The following AHI1 variants were observed in gnomAD, a reference collection of about 807,000 sequenced individuals.
AHI1 encodes the protein Abelson helper integration site 1, also known as jouberin.
AHI1 carries 123 observed loss-of-function variants against 149.3 expected under a neutral mutation model. The ratio of observed to expected loss-of-function variants is 0.82; its 90% CI spans 0.71 to 0.96. The LOEUF is 0.96. Among genes scored for constraint, AHI1 ranks in the 40% least tolerant of loss-of-function variants. AHI1 has a pLI of 0.00. For missense variants in AHI1, 1,439 were observed against 1,422.7 expected (o/e 1.01, Z -0.18); for synonymous variants, 475 against 459.8 (o/e 1.03, Z -0.42).
intron 11 of AHI1, among the ~76,000 whole-genome samples, chr6:135,451,264 G>A (rs1274853104): frequency 6.6e-6 from 1 of 152,116 alleles, no homozygotes. Flanking sequence ...CCAGCGTGCT[G>A]GGATTACAGG....
chr6:135,475,877 G>A (rs904587143), intron 5 of AHI1, among the ~76,000 whole-genome samples: 6 of 152,044 alleles, frequency 3.9e-5, no homozygotes, highest in Non-Finnish European at 8.8e-5. Context: ...ATCAAGCCCG[G>A]GGGTGGCCAT....
intron 14 of AHI1, 126 bp from the exon 15 acceptor site, chr6:135,438,624 G>T: frequency 1.4e-6 from 1 of 721,222 alleles, no homozygotes; most frequent in Non-Finnish European, 1.9e-6. Context: ...AAAGACATTT[G>T]CAGCACAGAG....
At chr6:135,326,184 G>A (rs1787653064) in intron 24 of AHI1, among the ~76,000 whole-genome samples, 1 of 152,124 alleles carries the variant, frequency 6.6e-6, no homozygotes, top group African/African-American at 2.4e-5. Flanking sequence ...ATAGGTTGAA[G>A]TCCTAGCTCC....
intron 27 of AHI1, among the ~76,000 whole-genome samples, chr6:135,297,090 G>A (rs1211984829): frequency 1.3e-5 from 2 of 152,156 alleles, no homozygotes; most frequent in Non-Finnish European, 2.9e-5. Flanking sequence ...CCTCTTTATG[G>A]CAGTAGCATC....
intron 23 of AHI1, among the ~76,000 whole-genome samples, chr6:135,372,034 A>C (rs994994104): frequency 2.6e-5 from 4 of 152,214 alleles, no homozygotes; most frequent in African/African-American, 9.7e-5. Context: ...AATAACCCTA[A>C]AAAGGGTCTA....
At chr6:135,432,032 T>C (rs192544073) in intron 16 of AHI1, among the ~76,000 whole-genome samples, 2 of 151,170 alleles carry the variant, frequency 1.3e-5, no homozygotes, top group African/African-American at 4.9e-5. Flanking sequence ...TTGGATATCG[T>C]ATGGCCAAAT....
chr6:135,398,723 G>A (rs1236533175), intron 22 of AHI1, among the ~76,000 whole-genome samples: 2 of 152,114 alleles, frequency 1.3e-5, no homozygotes, highest in Admixed American at 1.3e-4. Context: ...TTGCTTCACA[G>A]AGAAAATTTG....
chr6:135,351,182 A>T (rs1792062863), intron 24 of AHI1, among the ~76,000 whole-genome samples: 1 of 152,076 alleles, frequency 6.6e-6, no homozygotes, highest in African/African-American at 2.4e-5. Flanking sequence ...TAAGACACAA[A>T]CAAGCTGTGG....
rs1473309276 is a variant in AHI1 at position 135,411,294 on chromosome 6, T to C, written c.2961+54A>G. ...AAATGAATATTTATTGGCATGGCAA[T>C]GTAAAACAGGATAGAAATAGTTTTA... On this transcript the variant is annotated intron_variant, in intron 21 of 28. Transcript: ENST00000265602. 6 of 1,499,152 alleles carry C rather than the reference T, an allele frequency of 4.0e-6. No homozygotes were observed. In the South Asian group the frequency reaches 5.8e-5, roughly 15 times the overall value. The allele number at this position is 1,499,152 out of a possible 1,614,324, so 92.9% of individuals were successfully genotyped here. A position where few individuals can be genotyped will look rare whatever the true frequency, so the allele number is the denominator to read the frequency against.
chr6:135,477,346 G>A (rs1361207925), intron 5 of AHI1, among the ~76,000 whole-genome samples: 1 of 151,948 alleles, frequency 6.6e-6, no homozygotes, highest in Non-Finnish European at 1.5e-5. Flanking sequence ...GGCCCTCTCT[G>A]CCCTCTTTTC....
chr6:135,490,598 T>C, intron 5 of AHI1, 25 bp downstream of exon 5: 1 of 1,613,178 alleles, frequency 6.2e-7, no homozygotes, highest in South Asian at 1.1e-5. Flanking sequence ...TGTAAATCAC[T>C]ATTACCCAAT....
chr6:135,453,324 A>G lies in AHI1; in HGVS notation c.1440+17T>C. On this transcript the variant is annotated intron_variant, in intron 11 of 28. Coordinates refer to ENST00000265602, the MANE Select transcript of AHI1 (RefSeq NM_001134831.2). ...GAAGACTAGTTTTAAAGTGTTTAAA[A>G]TGGATGAAAAACATACCTTAAGAAA... The G allele has an allele frequency of 6.5e-7, 1 of 1,545,212 alleles. No individual in the cohort carries two copies. Among genetic ancestry groups the G allele is most frequent in the Non-Finnish European group, 8.8e-7 (1 of 1,140,424 alleles).
At chr6:135,400,058 C>G (rs1420576152) in intron 22 of AHI1, among the ~76,000 whole-genome samples, 2 of 152,050 alleles carry the variant, frequency 1.3e-5, no homozygotes, top group Non-Finnish European at 2.9e-5. Context: ...CCACCCTTTG[C>G]CCTCAAGTAG....
Position 135,455,743 on chromosome 6 carries a change from C to A in AHI1, c.1335G>T (p.Leu445=). ...RGSDESPKVI[L]FFEILDFLSV... ...TCCATTCAATTCATACCTCAAAGAA[C>A]AGGATGACTTTAGGACTCTCATCAG... The change falls in exon 10 of 29, where the codon CTG becomes CTT. Residue 445 remains leucine (L), a synonymous_variant. Coordinates refer to ENST00000265602, the MANE Select transcript of AHI1 (RefSeq NM_001134831.2). 6.3e-7 allele frequency: 1 copy of A among 1,589,428 alleles called. No homozygotes were observed. The highest frequency in any genetic ancestry group is 8.6e-7 in the Non-Finnish European group (1 of 1,165,080).
intron 5 of AHI1, among the ~76,000 whole-genome samples, chr6:135,479,327 AG>A (rs1793224453): frequency 6.6e-6 from 1 of 152,226 alleles, no homozygotes. Flanking sequence ...AAGCAGCTGC[AG>A]GGGCTGTACC....
intron 24 of AHI1, among the ~76,000 whole-genome samples, chr6:135,341,106 T>C (rs1790302483): frequency 6.6e-6 from 1 of 152,114 alleles, no homozygotes; most frequent in African/African-American, 2.4e-5. Context: ...GACATCATCC[T>C]ATCTTATCAG....
intron 23 of AHI1, among the ~76,000 whole-genome samples, chr6:135,393,668 T>C (rs963676688): frequency 1.3e-5 from 2 of 152,150 alleles, no homozygotes; most frequent in African/African-American, 4.8e-5. Flanking sequence ...TTAATTATTA[T>C]AGTGACTTGA....
intron 13 of AHI1, among the ~76,000 whole-genome samples, chr6:135,445,203 T>C (rs1786977293): frequency 6.6e-6 from 1 of 152,220 alleles, no homozygotes; most frequent in Non-Finnish European, 1.5e-5. Flanking sequence ...AAAATGAAGA[T>C]GAATAAGTAA....
chr6:135,294,625 G>A (rs1268676467), intron 27 of AHI1, among the ~76,000 whole-genome samples: 1 of 147,740 alleles, frequency 6.8e-6, no homozygotes, highest in Non-Finnish European at 1.5e-5. Context: ...TTTCAGCAAA[G>A]GTGCAAAGGC....
Sources: gnomAD v4.1 joint callset for allele counts (sites outside exome capture counted in the v4.1 genomes callset) on GRCh38, gnomAD v4.1.1 for gene constraint, MANE v1.5 for transcripts, NCBI Gene and HGNC (gene_info 2026-07-23, HGNC 2026-07-21) for gene names.